The following ACOT11 variants were observed in gnomAD, a reference collection of about 807,000 sequenced individuals.
ACOT11 encodes the protein acyl-coenzyme A thioesterase 11.
Under a neutral mutation model 77.5 loss-of-function variants are expected in ACOT11, and 69 were observed. That is an observed-to-expected ratio of 0.89 (90% CI 0.73 to 1.09). The LOEUF is 1.09. Among genes scored for constraint, ACOT11 ranks in the 50% least tolerant of loss-of-function variants. ACOT11 has a pLI of 0.00. For synonymous variants in ACOT11, 279 were observed against 313.0 expected (o/e 0.89, Z 1.15); for missense variants, 766 against 813.7 (o/e 0.94, Z 0.71).
chr1:54,625,824 A>AG (rs1195093568), intron 15 of ACOT11, among the ~76,000 whole-genome samples: 7 of 151,576 alleles, frequency 4.6e-5, no homozygotes, highest in African/African-American at 1.5e-4. Context: ...TTGTAATCCC[A>AG]GCTACTCGGG....
chr1:54,614,862 G>A (rs1199799013), downstream of ACOT11: 1 of 1,613,160 alleles, frequency 6.2e-7, no homozygotes, highest in Admixed American at 1.7e-5. Context: ...TTTGATGCCT[G>A]TGGGGAAAGG....
At chr1:54,592,243 T>G (rs1654736339) in intron 3 of ACOT11, among the ~76,000 whole-genome samples, 1 of 152,098 alleles carries the variant, frequency 6.6e-6, no homozygotes, top group Non-Finnish European at 1.5e-5. Context: ...AGGGGACCAT[T>G]GAGCCGAGAG....
intron 6 of ACOT11, 150 bp downstream of exon 6, chr1:54,594,841 C>T (rs575673248): frequency 5.2e-5 from 58 of 1,118,802 alleles, no homozygotes; most frequent in East Asian, 4.1e-4. Context: ...CTCTTGGCTC[C>T]GAGGTCTCCT....
rs148417623 is a variant in ACOT11, at chr1:54,550,324, T to C, written c.33+1982T>C. On this transcript the variant is annotated intron_variant, in intron 1 of 15. Transcript: ENST00000343744. ...GGTATTGGGAGTGGAAGTTGGGCTC[T>C]TGAGGACACAGGTAGCCTCCTGTCA... 7.9e-5 allele frequency among the ~76,000 whole-genome samples: 12 copies of C among 152,280 alleles called. 1 individual carries two copies. The highest frequency in any genetic ancestry group is 7.8e-4 in the Admixed American group (12 of 15,288).
At chr1:54,623,213 G>A in intron 15 of ACOT11, 1 of 1,049,680 alleles carries the variant, frequency 9.5e-7, no homozygotes, top group African/African-American at 1.6e-5. Flanking sequence ...CTGTAAGTGA[G>A]AAGTGGGGAT....
At chr1:54,621,285 C>T (rs1453578216) in intron 15 of ACOT11, among the ~76,000 whole-genome samples, 1 of 151,978 alleles carries the variant, frequency 6.6e-6, no homozygotes, top group Non-Finnish European at 1.5e-5. Context: ...GGTGAAACCC[C>T]ATCTCTACTA....
Position 54,610,264 on chromosome 1 carries a change from TC to T in ACOT11, c.*1156del. On this transcript the variant is annotated 3_prime_UTR_variant, in exon 16 of 16. Transcript: ENST00000343744. ...TTGACATCACTGTACTCCCTCTCCC[TC>T]CCCGCAACCCTGCCCCACCTTGCAT... 6.8e-7 allele frequency: 1 copy of T among 1,480,470 alleles called. No individual in the cohort carries two copies. The highest frequency in any genetic ancestry group is 8.9e-7 in the Non-Finnish European group (1 of 1,122,016). 91.7% of individuals were successfully genotyped at this position (1,480,470 alleles called of 1,614,324 possible). A position where few individuals can be genotyped will look rare whatever the true frequency, so the allele number is the denominator to read the frequency against.
At chr1:54,610,451 C>T (rs1008678067), downstream of ACOT11, 19 of 1,613,456 alleles carry the variant, frequency 1.2e-5, no homozygotes, top group African/African-American at 5.3e-5. Flanking sequence ...CTGCCCTGGA[C>T]GTCAGGAACC....
chr1:54,619,602 C>T (rs1378999192), intron 15 of ACOT11, among the ~76,000 whole-genome samples: 6 of 152,096 alleles, frequency 3.9e-5, no homozygotes, highest in Non-Finnish European at 7.4e-5. Context: ...CCTGACAGGT[C>T]GAGGAAGGGG....
intron 8 of ACOT11, 75 bp from the exon 9 acceptor site, chr1:54,601,186 TGTGTGTGA>T: frequency 6.6e-7 from 1 of 1,514,192 alleles, no homozygotes. Flanking sequence ...TGTGCATGTG[TGTGTGTGA>T]GTGTGTGTGT....
At chr1:54,576,404 G>C (rs1378005447) in intron 1 of ACOT11, among the ~76,000 whole-genome samples, 4 of 151,608 alleles carry the variant, frequency 2.6e-5, no homozygotes, top group Non-Finnish European at 4.4e-5. Context: ...GGCTGAGGTG[G>C]GAGGATCACT....
At chr1:54,580,206 C>T (rs1039357963) in intron 1 of ACOT11, among the ~76,000 whole-genome samples, 4 of 152,148 alleles carry the variant, frequency 2.6e-5, no homozygotes, top group Non-Finnish European at 4.4e-5. Flanking sequence ...GCTAGGCTGA[C>T]CCCCAAGGCC....
At chr1:54,618,872 G>T (rs563027411) in intron 15 of ACOT11, among the ~76,000 whole-genome samples, 167 of 152,234 alleles carry the variant, frequency 1.1e-3, no homozygotes, top group African/African-American at 3.9e-3. Flanking sequence ...TCATCTACAA[G>T]AATTAAATAA....
At position 54,607,972 on chromosome 1, in the gene ACOT11, C is replaced by T; in HGVS notation, c.1533C>T (p.Val511=). 6.2e-7 allele frequency: 1 copy of T among 1,613,752 alleles called. No individual in the cohort carries two copies. Among genetic ancestry groups the T allele is most frequent in the African/African-American group, 1.3e-5 (1 of 74,910 alleles). ...CCTATGTCATCGCGCTGAGGTCGGTCACGCTGCCCACACACCGAGAGACGC... is the reference window on the plus strand; with the variant it reads ...CCTATGTCATCGCGCTGAGGTCGGTTACGCTGCCCACACACCGAGAGACGC... ...GDPYVIALRS[V]TLPTHRETPE... Residue 511 remains valine (V), a synonymous_variant, in exon 15 of 16, where the codon GTC becomes GTT. Transcript: ENST00000343744. The surrounding 1 kb of genome is among the most constrained non-coding windows in gnomAD (Gnocchi z 4.5).
intron 3 of ACOT11, among the ~76,000 whole-genome samples, chr1:54,586,109 A>AGTGG (rs955996858): frequency 4.8e-4 from 1 of 2,074 alleles, no homozygotes; most frequent in East Asian, 9.4e-3. Context: ...TGTTCTGTGC[A>AGTGG]GTGGGTGGGT....
chr1:54,574,517 G>A (rs1026358234), intron 1 of ACOT11, among the ~76,000 whole-genome samples: 1 of 152,252 alleles, frequency 6.6e-6, no homozygotes, highest in Non-Finnish European at 1.5e-5. Flanking sequence ...AACTTACAAA[G>A]CTGTTCATGT....
chr1:54,560,422 G>A (rs886774145), intron 1 of ACOT11, among the ~76,000 whole-genome samples: 1 of 152,138 alleles, frequency 6.6e-6, no homozygotes, highest in South Asian at 2.1e-4. Flanking sequence ...TGACCCCCTT[G>A]TCCATGTAAT....
chr1:54,572,103 G>A (rs530684006), intron 1 of ACOT11, among the ~76,000 whole-genome samples: 6 of 151,924 alleles, frequency 3.9e-5, no homozygotes, highest in African/African-American at 1.2e-4. Flanking sequence ...CTTCCTGCTC[G>A]CCTCTCTTCT....
At chr1:54,598,124 C>A (rs1462316592) in intron 7 of ACOT11, 1 of 152,474 alleles carries the variant, frequency 6.6e-6, no homozygotes, top group East Asian at 1.9e-4. Context: ...CTTAAATGGC[C>A]CCTCCTCCAG....
Sources: allele counts gnomAD v4.1 joint callset (sites outside exome capture counted in the v4.1 genomes callset), GRCh38; gene constraint gnomAD v4.1.1; non-coding constraint Gnocchi (gnomAD v3.1); transcripts MANE v1.5; gene names NCBI Gene and HGNC (gene_info 2026-07-23, HGNC 2026-07-21).